SNX29: variants seen among roughly 807,000 people sequenced by gnomAD.
The protein encoded by SNX29 is sorting nexin-29.
SNX29 carries 78 observed loss-of-function variants against 102.1 expected under a neutral mutation model. That is an observed-to-expected ratio of 0.76 (90% confidence interval 0.64 to 0.92). SNX29 has a LOEUF of 0.92. SNX29 is among the 40% of genes least tolerant of loss of function. The pLI, the probability that SNX29 is intolerant of heterozygous loss-of-function variation, is 0.00. For missense variants in SNX29, 1,280 were observed against 1,061.7 expected (o/e 1.21, Z -2.86); for synonymous variants, 580 against 414.5 (o/e 1.40, Z -4.85).
At chr16:12,515,515 C>G (rs945194507) in intron 19 of SNX29, 1 of 489,344 alleles carries the variant, frequency 2.0e-6, no homozygotes, top group Non-Finnish European at 4.1e-6. Flanking sequence ...CCAGCCGCCA[C>G]CATCTCCTGC....
intron 13 of SNX29, among the ~76,000 whole-genome samples, chr16:12,169,237 A>T (rs1035244985): frequency 3.9e-5 from 6 of 152,238 alleles, no homozygotes; most frequent in Non-Finnish European, 8.8e-5. Flanking sequence ...ACAAAGCTTC[A>T]GGGAGGCTGT....
chr16:12,395,363 A>G (rs2083682101), intron 16 of SNX29, among the ~76,000 whole-genome samples: 1 of 152,136 alleles, frequency 6.6e-6, no homozygotes, highest in Non-Finnish European at 1.5e-5. Context: ...GTCAGAGGAG[A>G]TGATGGAAAC....
intron 1 of SNX29, among the ~76,000 whole-genome samples, chr16:11,995,513 G>A (rs943342691): frequency 1.3e-5 from 2 of 151,920 alleles, no homozygotes; most frequent in African/African-American, 4.8e-5. Flanking sequence ...GCACAATCTC[G>A]GGTAGTTTTT....
intron 20 of SNX29, among the ~76,000 whole-genome samples, chr16:12,538,510 T>G (rs1386683229): frequency 6.6e-6 from 1 of 152,208 alleles, no homozygotes; most frequent in African/African-American, 2.4e-5. Flanking sequence ...TTTGTTGGTA[T>G]GTGATAACAT....
chr16:12,315,474 T>C (rs2080702587), intron 15 of SNX29, among the ~76,000 whole-genome samples: 1 of 152,152 alleles, frequency 6.6e-6, no homozygotes, highest in Admixed American at 6.5e-5. Context: ...GCCCCCATCA[T>C]TTACATATTG....
Position 12,568,366 on chromosome 16 carries a change from C to A in SNX29, c.2319-140C>A, listed in dbSNP as rs1287642939. On this transcript the variant is annotated intron_variant, in intron 20 of 20. Coordinates refer to ENST00000566228, the MANE Select transcript of SNX29 (RefSeq NM_032167.5). ...GGGTTTCTCATTTCTTCAGGTGGCA[C>A]CAGTTAGAGGCAGATCCAATGAGCC... 8 of 1,131,602 alleles carry A rather than the reference C, an allele frequency of 7.1e-6. No homozygotes were observed. In the East Asian group the frequency reaches 7.6e-5, roughly 11 times the overall value. 70.1% of individuals were successfully genotyped at this position (1,131,602 alleles called of 1,614,324 possible). A position where few individuals can be genotyped will look rare whatever the true frequency, so the allele number is the denominator to read the frequency against.
chr16:12,472,164 A>G (rs1488604978), intron 18 of SNX29, among the ~76,000 whole-genome samples: 1 of 152,230 alleles, frequency 6.6e-6, no homozygotes, highest in African/African-American at 2.4e-5. Flanking sequence ...TCACGTCCAC[A>G]GTACTGAGTG....
rs1249420541 is a variant in SNX29 at position 12,058,495 on chromosome 16, G to GTTTTTTTTT, written c.1125-3025_1125-3017dup. On this transcript the variant is annotated intron_variant, in intron 8 of 20. Transcript: ENST00000566228. ...CTGGTGTTTTTTTTTTTGGTTTTTG[G>GTTTTTTTTT]TTTTTTTTTTTTTTTTGAGATGGAG... 7.2e-4 allele frequency among the ~76,000 whole-genome samples: 77 copies of GTTTTTTTTT among 106,522 alleles called. 7 individuals carry two copies. Among genetic ancestry groups the GTTTTTTTTT allele is most frequent in the African/African-American group, 8.1e-4 (21 of 25,790 alleles). The allele number at this position is 106,522 out of a possible 152,430, so 69.9% of individuals were successfully genotyped here.
At chr16:12,459,508 G>A (rs1361096551) in intron 18 of SNX29, among the ~76,000 whole-genome samples, 2 of 152,278 alleles carry the variant, frequency 1.3e-5, no homozygotes, top group South Asian at 2.1e-4. Context: ...AAGAGGAAGT[G>A]GATGGCAGGC....
chr16:12,025,829 T>C (rs1430581820), intron 3 of SNX29, among the ~76,000 whole-genome samples: 1 of 152,150 alleles, frequency 6.6e-6, no homozygotes, highest in Non-Finnish European at 1.5e-5. Context: ...TTCGTGATGA[T>C]ATGGGGGATG....
At chr16:11,994,329 G>A (rs780464567) in intron 1 of SNX29, among the ~76,000 whole-genome samples, 6 of 152,222 alleles carry the variant, frequency 3.9e-5, no homozygotes, top group Non-Finnish European at 7.3e-5. Context: ...ATAAAAAGAA[G>A]CCTGTTCTTG....
chr16:12,325,542 C>T (rs915372800), intron 15 of SNX29, among the ~76,000 whole-genome samples: 3 of 152,168 alleles, frequency 2.0e-5, no homozygotes, highest in African/African-American at 4.8e-5. Context: ...TAGACTTGCT[C>T]TTCCAACCTG....
At chr16:12,448,133 C>G (rs2086145455) in intron 18 of SNX29, among the ~76,000 whole-genome samples, 1 of 152,182 alleles carries the variant, frequency 6.6e-6, no homozygotes, top group Non-Finnish European at 1.5e-5. Context: ...TATGGATGAG[C>G]ATTGAAGTTC....
At chr16:11,999,276 T>G in intron 1 of SNX29, 21 bp from the exon 2 acceptor site, 1 of 1,613,702 alleles carries the variant, frequency 6.2e-7, no homozygotes, top group Non-Finnish European at 8.5e-7. Context: ...AGAGAACTAA[T>G]TAAGCCTCAT....
At chr16:12,267,033 G>T (rs547548690) in intron 14 of SNX29, among the ~76,000 whole-genome samples, 1 of 152,166 alleles carries the variant, frequency 6.6e-6, no homozygotes, top group Non-Finnish European at 1.5e-5. Flanking sequence ...AAAGTGCTGG[G>T]ATCACAGTGA....
chr16:12,013,500 A>AAAAAAAAT lies in SNX29; in HGVS notation c.122+10458_122+10459insAAAAAATA. Among the ~76,000 whole-genome samples the AAAAAAAAT allele has an allele frequency of 2.2e-3, 71 of 31,606 alleles. 1 individual carries two copies. Among genetic ancestry groups the AAAAAAAAT allele is most frequent in the Non-Finnish European group, 2.8e-3 (45 of 16,250 alleles). The allele number at this position is 31,606 out of a possible 152,430, so 20.7% of individuals were successfully genotyped here. A position where few individuals can be genotyped will look rare whatever the true frequency, so the allele number is the denominator to read the frequency against. On this transcript the variant is annotated intron_variant, in intron 3 of 20. Coordinates refer to ENST00000566228, the MANE Select transcript of SNX29 (RefSeq NM_032167.5). Reference sequence around the variant, plus strand: ...GTCTCTACTGGGGGAAAAAAAAAAAAATATATATATATATATATATATATA... The same window carrying AAAAAAAAT: ...GTCTCTACTGGGGGAAAAAAAAAAAAAAAAAAATATATATATATATATATATATATATA...
At chr16:12,376,279 C>T (rs551014342) in intron 16 of SNX29, among the ~76,000 whole-genome samples, 182 of 152,334 alleles carry the variant, frequency 1.2e-3, no homozygotes, top group Middle Eastern at 3.4e-3. Context: ...CGAGTTGTCA[C>T]AGGCTGAATG....
chr16:12,159,438 T>C (rs1488973568), intron 13 of SNX29, among the ~76,000 whole-genome samples: 2 of 152,248 alleles, frequency 1.3e-5, no homozygotes, highest in Non-Finnish European at 2.9e-5. Flanking sequence ...ACTTCGGATA[T>C]CTTGGACCAG....
chr16:12,062,114 C>T (rs554729754), intron 9 of SNX29, among the ~76,000 whole-genome samples: 4 of 152,124 alleles, frequency 2.6e-5, no homozygotes, highest in Non-Finnish European at 5.9e-5. Flanking sequence ...TGCGATATCT[C>T]ATGCCTGTAA....
Sources: gnomAD v4.1 joint callset for allele counts (sites outside exome capture counted in the v4.1 genomes callset) on GRCh38, gnomAD v4.1.1 for gene constraint, MANE v1.5 for transcripts, NCBI Gene and HGNC (gene_info 2026-07-23, HGNC 2026-07-21) for gene names.